Variants in NKAIN2 observed in about 807,000 individuals in gnomAD.
NKAIN2 encodes the protein sodium/potassium transporting ATPase interacting 2.
In NKAIN2, 14 loss-of-function variants were observed where a neutral mutation model predicts 32.6. The observed-to-expected ratio is 0.43, with a 90% CI of 0.28 to 0.67. NKAIN2 has a LOEUF of 0.67. Among genes scored for constraint, NKAIN2 ranks in the 30% least tolerant of loss-of-function variants. The probability of loss-of-function intolerance (pLI) is 0.17; values close to 1 mark genes in which losing one functional copy is unlikely to be tolerated. For synonymous variants in NKAIN2, 80 were observed against 87.2 expected (o/e 0.92, Z 0.46); for missense variants, 198 against 258.3 (o/e 0.77, Z 1.60).
intron 1 of NKAIN2, among the ~76,000 whole-genome samples, chr6:124,144,210 A>C (rs903874584): frequency 2.2e-4 from 33 of 152,208 alleles, no homozygotes; most frequent in African/African-American, 7.7e-4. Flanking sequence ...AATGGCCCAA[A>C]TATTCTAGAA....
chr6:124,387,710 C>A (rs1183932484), intron 3 of NKAIN2, among the ~76,000 whole-genome samples: 1 of 151,930 alleles, frequency 6.6e-6, no homozygotes, highest in Non-Finnish European at 1.5e-5. Context: ...ATAAGAATAC[C>A]TATTTTTCGC....
chr6:124,342,018 T>A (rs574216622), intron 2 of NKAIN2, among the ~76,000 whole-genome samples: 1 of 152,180 alleles, frequency 6.6e-6, no homozygotes, highest in Non-Finnish European at 1.5e-5. Flanking sequence ...AAAACTAAGC[T>A]GAAAATATAA....
intron 1 of NKAIN2, among the ~76,000 whole-genome samples, chr6:124,141,819 A>G (rs1395578099): frequency 6.6e-6 from 1 of 152,094 alleles, no homozygotes; most frequent in Non-Finnish European, 1.5e-5. Flanking sequence ...CACAATTACC[A>G]TGTCTTCTTG....
At chr6:124,423,638 A>G (rs1774852679) in intron 3 of NKAIN2, among the ~76,000 whole-genome samples, 1 of 152,194 alleles carries the variant, frequency 6.6e-6, no homozygotes, top group African/African-American at 2.4e-5. Context: ...TGATTAATTC[A>G]TGAGGGGGCA....
intron 1 of NKAIN2, among the ~76,000 whole-genome samples, chr6:124,087,469 A>G (rs1784235790): frequency 6.6e-6 from 1 of 152,038 alleles, no homozygotes; most frequent in Non-Finnish European, 1.5e-5. Flanking sequence ...TACATTGGAA[A>G]GGAAGAAATG....
chr6:124,193,883 A>T (rs1790161967), intron 1 of NKAIN2, among the ~76,000 whole-genome samples: 2 of 151,990 alleles, frequency 1.3e-5, no homozygotes, highest in African/African-American at 4.8e-5. Context: ...AAATCATTCC[A>T]TTGAGTGTTC....
intron 4 of NKAIN2, among the ~76,000 whole-genome samples, chr6:124,748,787 A>G (rs540240468): frequency 2.6e-4 from 40 of 151,926 alleles, no homozygotes; most frequent in African/African-American, 8.4e-4. Flanking sequence ...TATTGATTAA[A>G]TCTTTTCTTA....
At chr6:124,024,508 A>G (rs1781015565) in intron 1 of NKAIN2, among the ~76,000 whole-genome samples, 1 of 152,236 alleles carries the variant, frequency 6.6e-6, no homozygotes, top group Admixed American at 6.5e-5. Context: ...TGAATATTTA[A>G]TAAGTTCACA....
intron 3 of NKAIN2, among the ~76,000 whole-genome samples, chr6:124,383,817 G>A (rs563862313): frequency 2.0e-5 from 3 of 152,144 alleles, no homozygotes; most frequent in African/African-American, 7.2e-5. Context: ...TCATTGTTCT[G>A]TATTCCATAC....
intron 1 of NKAIN2, among the ~76,000 whole-genome samples, chr6:124,102,700 T>G (rs909774578): frequency 2.0e-5 from 3 of 152,216 alleles, no homozygotes; most frequent in African/African-American, 7.2e-5. Context: ...GAAGAGCCCT[T>G]TATGACTTTT....
intron 5 of NKAIN2, among the ~76,000 whole-genome samples, chr6:124,798,606 CCCTCTGCCCAAAGCA>C: frequency 6.6e-6 from 1 of 152,232 alleles, no homozygotes; most frequent in East Asian, 1.9e-4. Context: ...TCCCATTCCC[CCCTCTGCCCAAAGCA>C]CAGAAGTTAC....
chr6:124,586,983 G>T (rs1268358832), intron 3 of NKAIN2, among the ~76,000 whole-genome samples: 2 of 152,132 alleles, frequency 1.3e-5, no homozygotes, highest in Non-Finnish European at 2.9e-5. Flanking sequence ...TTTGGAAAAG[G>T]CAAAACTTCA....
At chr6:124,525,771 A>G (rs1369726245) in intron 3 of NKAIN2, among the ~76,000 whole-genome samples, 1 of 152,206 alleles carries the variant, frequency 6.6e-6, no homozygotes, top group African/African-American at 2.4e-5. Flanking sequence ...GGCTTTAGAA[A>G]GCACCACATT....
chr6:124,225,865 C>T (rs1286757367), intron 1 of NKAIN2, among the ~76,000 whole-genome samples: 1 of 151,920 alleles, frequency 6.6e-6, no homozygotes, highest in Non-Finnish European at 1.5e-5. Context: ...AAACAAAGCT[C>T]TTTTCTCTAG....
intron 3 of NKAIN2, among the ~76,000 whole-genome samples, chr6:124,651,929 G>A (rs956299570): frequency 1.3e-5 from 2 of 152,220 alleles, no homozygotes; most frequent in African/African-American, 4.8e-5. Flanking sequence ...CCTAAAAAAG[G>A]TCTTTTATTC....
intron 4 of NKAIN2, among the ~76,000 whole-genome samples, chr6:124,665,643 T>A (rs1583609376): frequency 6.6e-6 from 1 of 152,168 alleles, no homozygotes; most frequent in Admixed American, 6.5e-5. Context: ...TCATCAGAAA[T>A]ATTAGTGCCT....
chr6:123,818,395 A>G (rs1212665234), intron 1 of NKAIN2, among the ~76,000 whole-genome samples: 1 of 149,718 alleles, frequency 6.7e-6, no homozygotes, highest in Admixed American at 6.6e-5. Flanking sequence ...ACACACACAC[A>G]CACACAGAGG....
At chr6:124,619,024 A>G (rs1783011860) in intron 3 of NKAIN2, among the ~76,000 whole-genome samples, 1 of 152,118 alleles carries the variant, frequency 6.6e-6, no homozygotes, top group South Asian at 2.1e-4. Flanking sequence ...TAAGGTTTCC[A>G]CAAAATTGAA....
chr6:124,373,450 A>G (rs921293072), intron 3 of NKAIN2, among the ~76,000 whole-genome samples: 3 of 152,162 alleles, frequency 2.0e-5, no homozygotes, highest in African/African-American at 2.4e-5. Flanking sequence ...AGGGTGTGTC[A>G]GTCTTTAATT....
Sources: allele counts gnomAD v4.1 joint callset (sites outside exome capture counted in the v4.1 genomes callset), GRCh38; gene constraint gnomAD v4.1.1; transcripts MANE v1.5; gene names NCBI Gene and HGNC (gene_info 2026-07-23, HGNC 2026-07-21).